The following DCAF13 variants were observed in gnomAD, a reference collection of about 807,000 sequenced individuals.
DCAF13 encodes DDB1- and CUL4-associated factor 13.
DCAF13 carries 38 observed loss-of-function variants against 59.0 expected under a neutral mutation model. That is an observed-to-expected ratio of 0.64 (90% CI 0.50 to 0.84). DCAF13 has a LOEUF of 0.84. DCAF13 is among the 40% of genes least tolerant of loss of function. The probability of loss-of-function intolerance (pLI) is 0.00; values close to 1 mark genes in which losing one functional copy is unlikely to be tolerated. For synonymous variants in DCAF13, 173 were observed against 175.0 expected (o/e 0.99, Z 0.09); for missense variants, 469 against 558.4 (o/e 0.84, Z 1.61).
In DCAF13 at chr8:103,440,228, A is replaced by T; in HGVS notation, c.1043A>T (p.Asn348Ile). ...KYIMCGSDEM[N>I]IRLWKANASE... ...ATTATGTGTGGATCTGATGAAATGA[A>T]CATTCGCCTGTGGAAAGCTAATGCT... The change falls in exon 9 of 11, where the codon AAC (asparagine) becomes ATC (isoleucine). Residue 348 changes from asparagine to isoleucine, a missense_variant. This residue lies in a region of DCAF13 where 30 missense variants were observed against 67.1 expected (regional missense o/e 0.45). Transcript: ENST00000612750. 1 of 1,599,120 alleles carries T rather than the reference A, an allele frequency of 6.3e-7. No homozygotes were observed. Among genetic ancestry groups the T allele is most frequent in the Non-Finnish European group, 8.5e-7 (1 of 1,173,814 alleles).
intron 7 of DCAF13, among the ~76,000 whole-genome samples, chr8:103,434,055 C>G (rs1586132767): frequency 6.6e-6 from 1 of 152,216 alleles, no homozygotes; most frequent in South Asian, 2.1e-4. Context: ...AAGAGCATAT[C>G]CCTTATAATA....
rs1816883460 is a variant in DCAF13 at position 103,432,727 on chromosome 8, A to C, written c.771A>C (p.Ala257=). Residue 257 remains alanine (A), a synonymous_variant, in exon 7 of 11, where the codon GCA becomes GCC. Coordinates refer to ENST00000612750, the MANE Select transcript of DCAF13 (RefSeq NM_015420.7). ...TGGAAGCTTTCATTTTTACAGCAGC[A>C]AATGAAGATTATAAGTAAGTTTCCC... ...NPMEAFIFTA[A]NEDYNLYTFD... The C allele has an allele frequency of 2.5e-6, 4 of 1,597,040 alleles. No individual in the cohort carries two copies. The highest frequency in any genetic ancestry group is 1.7e-4 in the Middle Eastern group (1 of 5,996).
intron 1 of DCAF13, among the ~76,000 whole-genome samples, chr8:103,420,042 T>C (rs1398265141): frequency 6.6e-6 from 1 of 151,726 alleles, no homozygotes; most frequent in Non-Finnish European, 1.5e-5. Flanking sequence ...TGCATGTATA[T>C]ATACCTAGGG....
chr8:103,421,081 C>T lies in DCAF13; in HGVS notation c.377C>T (p.Thr126Ile), dbSNP rs1011747605. ...CGCTTTTGTGGGACTTCTTTTTTCA[C>T]TGTAAGTATAATACCATTAAGTCAT... ...CTRFCGTSFF[T>I]VGDDKTVKQW... Residue 126 changes from threonine to isoleucine, a missense_variant and splice_region_variant, in exon 3 of 11, where the codon ACT (threonine) becomes ATT (isoleucine). Thr to Ile is a moderately conservative substitution (Grantham distance 89, BLOSUM62 -1). This residue lies in a region of DCAF13 where 355 missense variants were observed against 399.1 expected (regional missense o/e 0.89). Coordinates refer to ENST00000612750, the MANE Select transcript of DCAF13 (RefSeq NM_015420.7). 1 of 1,576,616 alleles carries T rather than the reference C, an allele frequency of 6.3e-7. No individual in the cohort carries two copies. The highest frequency in any genetic ancestry group is 1.3e-5 in the African/African-American group (1 of 74,112).
chr8:103,439,383 C>CTTTTTTTT (rs34676422), intron 8 of DCAF13: 14 of 85,790 alleles, frequency 1.6e-4, no homozygotes, highest in Non-Finnish European at 2.4e-4. Flanking sequence ...TTTAATTAAG[C>CTTTTTTTT]TTTTTTTTTT....
Position 103,441,526 on chromosome 8 carries a change from TA to T in DCAF13, c.1159del (p.Ile387Ter). The T allele has an allele frequency of 6.2e-7, 1 of 1,608,484 alleles. No homozygotes were observed. Among genetic ancestry groups the T allele is most frequent in the Non-Finnish European group, 8.5e-7 (1 of 1,178,718 alleles). On this transcript the variant is annotated frameshift_variant, in exon 10 of 11. Transcript: ENST00000612750. LOFTEE classifies it high-confidence loss of function. Reference sequence around the variant, plus strand: ...AGGAGAAATTTCAGCATTATCCTCATATAAAACGTATAGCTCGTCATCGACA... The same window carrying T: ...AGGAGAAATTTCAGCATTATCCTCATTAAAACGTATAGCTCGTCATCGACA... Reference protein sequence around the residue: ...LKEKFQHYPHIKRIARHRHLP... With the variant: ...LKEKFQHYPHXKRIARHRHLP...
At position 103,426,136 on chromosome 8, in the gene DCAF13, A is replaced by G. The variant is rs1816790271; in HGVS notation, c.459A>G (p.Ile153Met). ...YGDEEEPLHT[I>M]LGKTVYTGID... ...ACGAGGAAGAGCCATTACATACAAT[A>G]TTAGGAAAGGTACAAAAGTAAATTG... Residue 153 changes from isoleucine to methionine, a missense_variant, in exon 4 of 11, where the codon ATA becomes ATG. By Grantham distance (10) the Ile-to-Met change is conservative. Transcript: ENST00000612750. 6.2e-7 allele frequency: 1 copy of G among 1,606,182 alleles called. No homozygotes were observed. The highest frequency in any genetic ancestry group is 8.5e-7 in the Non-Finnish European group (1 of 1,174,622).
At position 103,430,661 on chromosome 8, in the gene DCAF13, A is replaced by G. The variant is rs374654375; in HGVS notation, c.674A>G (p.Asp225Gly). ...CASDRNIVLY[D>G]MRQATPLKKV... ...TCTGACAGGAATATAGTACTGTACG[A>G]TATGAGGCAAGCTACTCCTTTGAAA... is the stretch of plus-strand genomic sequence containing the variant. Residue 225 changes from aspartate to glycine, a missense_variant, in exon 6 of 11, where the codon GAT (aspartate) becomes GGT (glycine). Asp to Gly is a moderately conservative substitution (Grantham distance 94). Around this residue, in one of 3 missense-constraint regions of DCAF13, gnomAD observed 355 missense variants for 399.1 expected, o/e 0.89. Transcript: ENST00000612750. 12 of 1,610,052 alleles carry G rather than the reference A, an allele frequency of 7.5e-6. No homozygotes were observed. Among genetic ancestry groups the G allele is most frequent in the Non-Finnish European group, 8.5e-6 (10 of 1,178,074 alleles).
In DCAF13 at chr8:103,421,128, A is replaced by G. The variant is rs1816716622; in HGVS notation, c.378+46A>G. On this transcript the variant is annotated intron_variant, in intron 3 of 10. Coordinates refer to ENST00000612750, the MANE Select transcript of DCAF13 (RefSeq NM_015420.7). ...TCATTAAATTTGATCAACATAGGTA[A>G]GAATAATCTAATTGAATACATTTTT... The G allele has an allele frequency of 3.2e-6, 4 of 1,242,762 alleles. No individual in the cohort carries two copies. The South Asian group carries it at 4.9e-5, about 15-fold the overall frequency. The allele number at this position is 1,242,762 out of a possible 1,614,324, so 77.0% of individuals were successfully genotyped here.
intron 3 of DCAF13, among the ~76,000 whole-genome samples, chr8:103,423,369 T>G (rs1816748458): frequency 6.6e-6 from 1 of 152,102 alleles, no homozygotes; most frequent in African/African-American, 2.4e-5. Context: ...GGAATACTAT[T>G]CAGCCTTCAG....
intron 8 of DCAF13, among the ~76,000 whole-genome samples, chr8:103,439,238 A>G (rs893767762): frequency 1.3e-5 from 2 of 151,922 alleles, no homozygotes; most frequent in African/African-American, 4.8e-5. Context: ...TGATCCACCT[A>G]CTGCAGCCTC....
Position 103,441,531 on chromosome 8 carries a change from A to G in DCAF13, c.1163A>G (p.Lys388Arg). ...KEKFQHYPHI[K>R]RIARHRHLPK... ...AAATTTCAGCATTATCCTCATATAA[A>G]ACGTATAGCTCGTCATCGACATCTA... Residue 388 changes from lysine to arginine, a missense_variant, in exon 10 of 11, where the codon AAA becomes AGA. By Grantham distance (26) the Lys-to-Arg change is conservative. This residue lies in a region of DCAF13 where 84 missense variants were observed against 92.3 expected (regional missense o/e 0.91). Transcript: ENST00000612750. 6.2e-7 allele frequency: 1 copy of G among 1,608,492 alleles called. No homozygotes were observed. Among genetic ancestry groups the G allele is most frequent in the Non-Finnish European group, 8.5e-7 (1 of 1,178,772 alleles).
In DCAF13 at chr8:103,443,329, G is replaced by A. The variant is rs2130501354; in HGVS notation, c.*447G>A. On this transcript the variant is annotated 3_prime_UTR_variant, in exon 11 of 11. Coordinates refer to ENST00000612750, the MANE Select transcript of DCAF13 (RefSeq NM_015420.7). ...TTTTTTACAACTGAATTTATTTCTA[G>A]TGCTTTACTTATATTTGGCTTTTTG... is the stretch of plus-strand genomic sequence containing the variant. The A allele has an allele frequency of 6.6e-6, 1 of 152,016 alleles. No individual in the cohort carries two copies. Among genetic ancestry groups the A allele is most frequent in the African/African-American group, 2.4e-5 (1 of 41,478 alleles). The allele number at this position is 152,016 out of a possible 1,614,324, so 9.4% of individuals were successfully genotyped here. A position where few individuals can be genotyped will look rare whatever the true frequency, so the allele number is the denominator to read the frequency against.
At chr8:103,436,804 C>T (rs1816940443) in intron 8 of DCAF13, among the ~76,000 whole-genome samples, 1 of 152,220 alleles carries the variant, frequency 6.6e-6, no homozygotes, top group Middle Eastern at 3.4e-3. Flanking sequence ...TTCCTGGAAG[C>T]ATCCATAAAA....
intron 7 of DCAF13, 38 bp downstream of exon 7, chr8:103,432,779 C>A: frequency 1.6e-6 from 2 of 1,247,612 alleles, no homozygotes; most frequent in Non-Finnish European, 2.3e-6. Flanking sequence ...GTATTTCTAT[C>A]ATGAATGGCT....
In DCAF13 at chr8:103,441,590, C is replaced by A; in HGVS notation, c.1222C>A (p.Arg408Ser). Residue 408 changes from arginine to serine, a missense_variant, in exon 10 of 11, where the codon CGC (arginine) becomes AGC (serine). Coordinates refer to ENST00000612750, the MANE Select transcript of DCAF13 (RefSeq NM_015420.7). The stretch of plus-strand genomic sequence containing the variant: ...TATCTATAGCCAGATTCAGGAACAG[C>A]GCATCATGAAAGAAGCTCGTCGACG... ...KSIYSQIQEQ[R>S]IMKEARRRKE... 2 of 1,610,244 alleles carry A rather than the reference C, an allele frequency of 1.2e-6. No homozygotes were observed. Among genetic ancestry groups the A allele is most frequent in the Non-Finnish European group, 1.7e-6 (2 of 1,179,062 alleles).
intron 3 of DCAF13, 76 bp downstream of exon 3, chr8:103,421,158 A>G (rs1035377655): frequency 2.0e-5 from 21 of 1,051,974 alleles, no homozygotes; most frequent in Admixed American, 5.5e-5. Flanking sequence ...ATTTTTTTTC[A>G]AGTTCATTTA....
intron 5 of DCAF13, 43 bp from the exon 6 acceptor site, chr8:103,430,569 C>T (rs1213126215): frequency 2.2e-6 from 3 of 1,393,016 alleles, no homozygotes; most frequent in Non-Finnish European, 3.0e-6. Flanking sequence ...TGGTTTGCTG[C>T]CAGGTCTGGC....
At chr8:103,433,258 G>C (rs1816889527) in intron 7 of DCAF13, among the ~76,000 whole-genome samples, 1 of 152,076 alleles carries the variant, frequency 6.6e-6, no homozygotes, top group Non-Finnish European at 1.5e-5. Context: ...GTGAGTATCA[G>C]GTAGCTGATG....
Sources: allele counts gnomAD v4.1 joint callset (sites outside exome capture counted in the v4.1 genomes callset), GRCh38; gene constraint gnomAD v4.1.1; regional missense constraint gnomAD v4.1.1; transcripts MANE v1.5; gene names NCBI Gene and HGNC (gene_info 2026-07-23, HGNC 2026-07-21).